Variants in PRKAR1B observed in about 807,000 individuals in gnomAD.
PRKAR1B encodes cAMP-dependent protein kinase type I-beta regulatory subunit.
In PRKAR1B, 22 loss-of-function variants were observed where a neutral mutation model predicts 46.5. That is an observed-to-expected ratio of 0.47 (90% confidence interval 0.34 to 0.68). The LOEUF (loss-of-function observed/expected upper bound fraction) is 0.68, where lower values mean the gene tolerates loss of function less well. PRKAR1B is among the 30% of genes least tolerant of loss of function. PRKAR1B has a pLI of 0.01. For missense variants in PRKAR1B, 445 were observed against 535.6 expected, an observed-to-expected ratio of 0.83 and a Z score of 1.67; for synonymous variants, 259 against 217.7, an observed-to-expected ratio of 1.19 and a Z score of -1.67.
chr7:649,550 T>C (rs1213677814), intron 4 of PRKAR1B, among the ~76,000 whole-genome samples: 5 of 152,142 alleles, frequency 3.3e-5, no homozygotes, highest in Admixed American at 3.3e-4. Context: ...CACTGATTTA[T>C]ATGTAGCGCC....
At position 550,413 on chromosome 7, in the gene PRKAR1B, C is replaced by T. The variant is rs182460899; in HGVS notation, c.*17G>A. On this transcript the variant is annotated 3_prime_UTR_variant, in exon 11 of 11. Transcript: ENST00000537384. ...CCACCACACTGGGGAGCTGGGGCTG[C>T]AGGGCGGGAGCTGTGCTCAGACGGT... is the stretch of plus-strand genomic sequence containing the variant. 1 of 1,576,518 alleles carries T rather than the reference C, an allele frequency of 6.3e-7. No homozygotes were observed. Among genetic ancestry groups the T allele is most frequent in the Non-Finnish European group, 8.6e-7 (1 of 1,161,446 alleles).
At chr7:728,646 G>A (rs1405683439), upstream of PRKAR1B, among the ~76,000 whole-genome samples, 1 of 152,214 alleles carries the variant, frequency 6.6e-6, no homozygotes, top group Non-Finnish European at 1.5e-5. Context: ...TACCCAGTCT[G>A]TACATCAGCC....
intron 4 of PRKAR1B, among the ~76,000 whole-genome samples, chr7:673,045 T>TAAAAAAA (rs992683667): frequency 0.014 from 375 of 26,546 alleles, 116 homozygotes; most frequent in Non-Finnish European, 0.018. Context: ...GCCTTGTCTT[T>TAAAAAAA]AAAAAAAAAA....
chr7:665,096 A>G (rs1161876416), intron 4 of PRKAR1B, among the ~76,000 whole-genome samples: 1 of 152,058 alleles, frequency 6.6e-6, no homozygotes, highest in Non-Finnish European at 1.5e-5. Context: ...AGCCCTGGAG[A>G]CCCTTTGAAA....
At chr7:571,613 G>A (rs76709894) in intron 9 of PRKAR1B, among the ~76,000 whole-genome samples, 2 of 152,258 alleles carry the variant, frequency 1.3e-5, no homozygotes, top group Non-Finnish European at 2.9e-5. Flanking sequence ...GCCCCGTATA[G>A]GAGGAAGCTG....
At chr7:700,801 T>C (rs1780015911) in intron 2 of PRKAR1B, among the ~76,000 whole-genome samples, 1 of 152,154 alleles carries the variant, frequency 6.6e-6, no homozygotes, top group Non-Finnish European at 1.5e-5. Context: ...ACAGAAAATC[T>C]TAAATTCACT....
At chr7:718,414 T>C (rs1305190340) in intron 1 of PRKAR1B, among the ~76,000 whole-genome samples, 1 of 150,888 alleles carries the variant, frequency 6.6e-6, no homozygotes, top group Non-Finnish European at 1.5e-5. Flanking sequence ...TGGAGTGCAG[T>C]GGCACAATCT....
chr7:572,931 G>A (rs1391437186), intron 9 of PRKAR1B, among the ~76,000 whole-genome samples: 2 of 152,236 alleles, frequency 1.3e-5, no homozygotes, highest in Non-Finnish European at 2.9e-5. Context: ...GCGAGGGACC[G>A]GCATCTCCTC....
chr7:640,359 A>G (rs1384352491), intron 4 of PRKAR1B, among the ~76,000 whole-genome samples: 1 of 152,226 alleles, frequency 6.6e-6, no homozygotes, highest in African/African-American at 2.4e-5. Context: ...ACTCAATCTT[A>G]AAATAGACAT....
At chr7:629,267 C>T (rs1367402310) in intron 4 of PRKAR1B, among the ~76,000 whole-genome samples, 6 of 152,118 alleles carry the variant, frequency 3.9e-5, no homozygotes, top group Non-Finnish European at 7.4e-5. Flanking sequence ...GCTGCAGGAG[C>T]GGGGCCACAG....
At chr7:564,748 G>A (rs1427956755) in intron 9 of PRKAR1B, among the ~76,000 whole-genome samples, 4 of 152,174 alleles carry the variant, frequency 2.6e-5, no homozygotes, top group Admixed American at 1.3e-4. Flanking sequence ...GGCCGGCCAG[G>A]ACCAACAGGC....
chr7:612,858 A>ATG (rs199531453), intron 4 of PRKAR1B, among the ~76,000 whole-genome samples: 10,113 of 150,022 alleles, frequency 0.067, 368 homozygotes, highest in Middle Eastern at 0.099. Flanking sequence ...CACTGAAAAG[A>ATG]TGTGTGTGTG....
Position 550,266 on chromosome 7 carries a change from CATTT to C in PRKAR1B, c.*160_*163del. On this transcript the variant is annotated 3_prime_UTR_variant, in exon 11 of 11. Coordinates refer to ENST00000537384, the MANE Select transcript of PRKAR1B (RefSeq NM_001164760.2). Reference sequence around the variant, plus strand: ...TTGATTTGGAAATGCACAAGGTGATCATTTATTCCAAAAAGTGAGTCCGGGGAAG... The same window carrying C: ...TTGATTTGGAAATGCACAAGGTGATCATTCCAAAAAGTGAGTCCGGGGAAG... The C allele has an allele frequency of 1.6e-6, 1 of 615,716 alleles. No individual in the cohort carries two copies. Among genetic ancestry groups the C allele is most frequent in the South Asian group, 2.0e-5 (1 of 50,886 alleles). 38.1% of individuals were successfully genotyped at this position (615,716 alleles called of 1,614,324 possible).
At position 593,043 on chromosome 7, in the gene PRKAR1B, A is replaced by T. The variant is rs567694944; in HGVS notation, c.708+3103T>A. Among the ~76,000 whole-genome samples, 72 of 148,434 alleles carry T rather than the reference A, an allele frequency of 4.9e-4. No individual in the cohort carries two copies. Among genetic ancestry groups the T allele is most frequent in the African/African-American group, 1.5e-3 (61 of 41,230 alleles). On this transcript the variant is annotated intron_variant, in intron 7 of 10. Coordinates refer to ENST00000537384, the MANE Select transcript of PRKAR1B (RefSeq NM_001164760.2). The surrounding 1 kb of genome is among the most constrained non-coding windows in gnomAD (Gnocchi z 6.1). ...AGTGAGACATTGTTTCAAAAAAATTAAAAAAAACAAAAAGGTAAGAAAGAA... is the reference window on the plus strand; with the variant it reads ...AGTGAGACATTGTTTCAAAAAAATTTAAAAAAACAAAAAGGTAAGAAAGAA...
intron 2 of PRKAR1B, among the ~76,000 whole-genome samples, chr7:685,207 T>C (rs561982402): frequency 6.9e-6 from 1 of 144,840 alleles, no homozygotes; most frequent in African/African-American, 2.6e-5. Flanking sequence ...TGTATATACA[T>C]ATATATAACA....
At chr7:676,894 A>G (rs1283544386) in intron 4 of PRKAR1B, among the ~76,000 whole-genome samples, 7 of 133,932 alleles carry the variant, frequency 5.2e-5, no homozygotes, top group Admixed American at 7.2e-5. Flanking sequence ...CCCGGAGGGC[A>G]AGGAGGGCGG....
At position 550,293 on chromosome 7, in the gene PRKAR1B, A is replaced by C. The variant is rs751852367; in HGVS notation, c.*137T>G. 1 of 670,404 alleles carries C rather than the reference A, an allele frequency of 1.5e-6. No individual in the cohort carries two copies. The highest frequency in any genetic ancestry group is 2.6e-6 in the Non-Finnish European group (1 of 387,576). The allele number at this position is 670,404 out of a possible 1,614,324, so 41.5% of individuals were successfully genotyped here. The stretch of plus-strand genomic sequence containing the variant: ...TTTATTCCAAAAAGTGAGTCCGGGG[A>C]AGGGGCAGTCCTCACGCTGCCGGGA... On this transcript the variant is annotated 3_prime_UTR_variant, in exon 11 of 11. Coordinates refer to ENST00000537384, the MANE Select transcript of PRKAR1B (RefSeq NM_001164760.2).
chr7:610,612 C>A (rs1484107171), intron 4 of PRKAR1B, among the ~76,000 whole-genome samples: 1 of 152,322 alleles, frequency 6.6e-6, no homozygotes, highest in South Asian at 2.1e-4. Flanking sequence ...TGAACACAAA[C>A]GTCTCCAGGC....
chr7:568,706 C>T (rs937610527), intron 9 of PRKAR1B, among the ~76,000 whole-genome samples: 6 of 152,128 alleles, frequency 3.9e-5, no homozygotes, highest in African/African-American at 7.2e-5. Flanking sequence ...TCCAGAACTG[C>T]GCATCTGTTA....
Sources: gnomAD v4.1 joint callset for allele counts (sites outside exome capture counted in the v4.1 genomes callset) on GRCh38, gnomAD v4.1.1 for gene constraint, Gnocchi (gnomAD v3.1) non-coding constraint, MANE v1.5 for transcripts, NCBI Gene and HGNC (gene_info 2026-07-23, HGNC 2026-07-21) for gene names.